Variants in CSMD1 observed in about 807,000 individuals in gnomAD.
CSMD1 encodes CUB and Sushi multiple domains 1.
In CSMD1, 213 loss-of-function variants were observed where a neutral mutation model predicts 417.5. The observed-to-expected ratio is 0.51, with a 90% confidence interval of 0.46 to 0.57. The LOEUF (loss-of-function observed/expected upper bound fraction) is 0.57. Ranked by LOEUF, CSMD1 falls within the 20% of genes least tolerant of loss-of-function variation. CSMD1 has a pLI of 0.00. For synonymous variants in CSMD1, 2,862 were observed against 1,736.8 expected (o/e 1.65, Z -16.11); for missense variants, 6,923 against 4,529.7 (o/e 1.53, Z -15.17).
intron 26 of CSMD1, among the ~76,000 whole-genome samples, chr8:3,269,683 A>C (rs1801696522): frequency 6.6e-6 from 1 of 152,192 alleles, no homozygotes; most frequent in Non-Finnish European, 1.5e-5. Flanking sequence ...TAACCCCCAG[A>C]GTAAAGGTCA....
chr8:3,726,359 G>C (rs893119064), intron 6 of CSMD1, among the ~76,000 whole-genome samples: 5 of 152,126 alleles, frequency 3.3e-5, no homozygotes, highest in African/African-American at 1.2e-4. Flanking sequence ...TGTAGCAATA[G>C]AACTAATCCA....
intron 10 of CSMD1, among the ~76,000 whole-genome samples, chr8:3,563,662 G>C (rs1036259907): frequency 6.6e-6 from 1 of 152,022 alleles, no homozygotes; most frequent in African/African-American, 2.4e-5. Flanking sequence ...AGGCTGAGGC[G>C]GGTGGATCAT....
chr8:4,108,123 G>T (rs932166611), intron 3 of CSMD1, among the ~76,000 whole-genome samples: 7 of 151,848 alleles, frequency 4.6e-5, no homozygotes, highest in African/African-American at 1.7e-4. Flanking sequence ...AGGAGGAGGA[G>T]GAGGGTAGGG....
At chr8:3,043,911 C>A (rs1811270619) in intron 50 of CSMD1, 1 of 152,224 alleles carries the variant, frequency 6.6e-6, no homozygotes, top group South Asian at 2.1e-4. Flanking sequence ...TGACAGAATT[C>A]CTTTTTTGTA....
intron 3 of CSMD1, among the ~76,000 whole-genome samples, chr8:4,184,169 A>G (rs1010068464): frequency 6.6e-6 from 1 of 152,214 alleles, no homozygotes; most frequent in African/African-American, 2.4e-5. Flanking sequence ...AGAAAAAGCA[A>G]TGGAAATGTT....
At chr8:4,751,764 G>C (rs895276290) in intron 1 of CSMD1, among the ~76,000 whole-genome samples, 1 of 152,144 alleles carries the variant, frequency 6.6e-6, no homozygotes, top group Admixed American at 6.5e-5. Context: ...GTCTGACATT[G>C]AGGACCTCTG....
chr8:3,500,597 T>C (rs1046324160), intron 10 of CSMD1, among the ~76,000 whole-genome samples: 6 of 152,060 alleles, frequency 3.9e-5, no homozygotes, highest in Admixed American at 6.5e-5. Flanking sequence ...GAATCTGTGG[T>C]AGGGAGGACA....
In CSMD1 at chr8:3,865,092, T is replaced by A. The variant is rs529462674; in HGVS notation, c.819-111050A>T. ...GCCAACAGTGTTACTTTGGTAACAA[T>A]ACTCCACACACTATTCTGGCCTCAC... is the stretch of plus-strand genomic sequence containing the variant. On this transcript the variant is annotated intron_variant, in intron 5 of 69. Coordinates refer to ENST00000635120, the MANE Select transcript of CSMD1 (RefSeq NM_033225.6). 6.8e-4 allele frequency among the ~76,000 whole-genome samples: 103 copies of A among 152,188 alleles called. 1 individual carries two copies. Among genetic ancestry groups the A allele is most frequent in the Admixed American group, 6.5e-4 (10 of 15,282 alleles).
intron 12 of CSMD1, among the ~76,000 whole-genome samples, chr8:3,425,327 C>A (rs1463630418): frequency 6.6e-6 from 1 of 151,500 alleles, no homozygotes; most frequent in Non-Finnish European, 1.5e-5. Context: ...AGGTGGCTCA[C>A]GCCTGTAATC....
intron 18 of CSMD1, among the ~76,000 whole-genome samples, chr8:3,385,428 T>C (rs1030022756): frequency 2.6e-5 from 4 of 151,736 alleles, no homozygotes; most frequent in Admixed American, 2.0e-4. Flanking sequence ...TTATCCTGAA[T>C]GCAGCCACCT....
intron 12 of CSMD1, among the ~76,000 whole-genome samples, chr8:3,465,368 A>C (rs1816739005): frequency 6.6e-6 from 1 of 152,170 alleles, no homozygotes; most frequent in Non-Finnish European, 1.5e-5. Context: ...GAGACAGCAC[A>C]AATGGAGAAA....
At chr8:3,991,791 C>T (rs1217638466) in intron 5 of CSMD1, among the ~76,000 whole-genome samples, 1 of 152,152 alleles carries the variant, frequency 6.6e-6, no homozygotes, top group Non-Finnish European at 1.5e-5. Flanking sequence ...TACCTTGGGA[C>T]TGTCTCTCTT....
At chr8:4,345,789 C>G (rs906135426) in intron 3 of CSMD1, among the ~76,000 whole-genome samples, 1 of 152,080 alleles carries the variant, frequency 6.6e-6, no homozygotes, top group Non-Finnish European at 1.5e-5. Flanking sequence ...GCTAATTCTT[C>G]CACAAAACCA....
intron 3 of CSMD1, among the ~76,000 whole-genome samples, chr8:4,199,213 A>C (rs1799509966): frequency 6.9e-6 from 1 of 144,934 alleles, no homozygotes; most frequent in African/African-American, 2.6e-5. Flanking sequence ...ACAATACCAA[A>C]TATCCTCTTG....
In CSMD1 at chr8:3,404,113, C is replaced by T. The variant is rs1028927159; in HGVS notation, c.2266+1914G>A. On this transcript the variant is annotated intron_variant, in intron 15 of 69. Transcript: ENST00000635120. ...GACCTGGTTAGAAGTTTCTACTTCT[C>T]CTCTGAGGTCAGGAGTTTGAGACCA... is the stretch of plus-strand genomic sequence containing the variant. 2.6e-5 allele frequency among the ~76,000 whole-genome samples: 4 copies of T among 152,086 alleles called. No homozygotes were observed. The South Asian group carries it at 8.3e-4, about 32-fold the overall frequency.
intron 1 of CSMD1, among the ~76,000 whole-genome samples, chr8:4,673,248 A>G (rs796173800): frequency 3.1e-4 from 47 of 152,350 alleles, no homozygotes; most frequent in African/African-American, 1.1e-3. Context: ...AACTTTTTGT[A>G]AGAGTCCCTT....
At chr8:3,604,356 G>A (rs966608031) in intron 8 of CSMD1, among the ~76,000 whole-genome samples, 2 of 152,144 alleles carry the variant, frequency 1.3e-5, no homozygotes, top group African/African-American at 4.8e-5. Flanking sequence ...CACGGAACAG[G>A]TACCTCATGG....
chr8:3,039,113 C>A (rs528991650), intron 50 of CSMD1, among the ~76,000 whole-genome samples: 3 of 152,052 alleles, frequency 2.0e-5, no homozygotes, highest in Admixed American at 1.3e-4. Flanking sequence ...GGGTGGTTGG[C>A]CATTGCTGTA....
chr8:4,327,415 G>A (rs568622006), intron 3 of CSMD1, among the ~76,000 whole-genome samples: 2 of 152,296 alleles, frequency 1.3e-5, no homozygotes, highest in South Asian at 2.1e-4. Context: ...GCAAATTGCA[G>A]AACACTGGCA....
Sources: allele counts gnomAD v4.1 joint callset (sites outside exome capture counted in the v4.1 genomes callset), GRCh38; gene constraint gnomAD v4.1.1; transcripts MANE v1.5; gene names NCBI Gene and HGNC (gene_info 2026-07-23, HGNC 2026-07-21).